Variants in RALGAPB observed in about 807,000 individuals in gnomAD.
RALGAPB encodes the protein Ral GTPase activating protein non-catalytic subunit beta.
A neutral mutation model predicts 161.1 loss-of-function variants in RALGAPB; 25 were observed. The observed-to-expected ratio is 0.16, with a 90% CI of 0.11 to 0.22. RALGAPB has a LOEUF of 0.22. Among genes scored for constraint, RALGAPB ranks in the 10% least tolerant of loss-of-function variants. The pLI, the probability that RALGAPB is intolerant of heterozygous loss-of-function variation, is 1.00. For missense variants in RALGAPB, 1,391 were observed against 1,815.2 expected (o/e 0.77, Z 4.25); for synonymous variants, 629 against 626.1 (o/e 1.00, Z -0.07).
intron 16 of RALGAPB, among the ~76,000 whole-genome samples, chr20:38,536,885 G>A (rs2086822881): frequency 6.6e-6 from 1 of 152,172 alleles, no homozygotes; most frequent in Non-Finnish European, 1.5e-5. Flanking sequence ...AGATCCTCCA[G>A]GATGGACATC....
rs147158830 is a variant in RALGAPB at position 38,576,810 on chromosome 20, G to T, written c.*1843G>T. The T allele has an allele frequency of 6.5e-6, 1 of 152,734 alleles. No homozygotes were observed. The highest frequency in any genetic ancestry group is 1.5e-5 in the Non-Finnish European group (1 of 68,020). The allele number at this position is 152,734 out of a possible 1,614,324, so 9.5% of individuals were successfully genotyped here. A position where few individuals can be genotyped will look rare whatever the true frequency, so the allele number is the denominator to read the frequency against. ...TGTTCTAGTTGAAGTGAGCAGAGAAGGCTATAAATTAATATGTAACTTACA... is the reference window on the plus strand; with the variant it reads ...TGTTCTAGTTGAAGTGAGCAGAGAATGCTATAAATTAATATGTAACTTACA... On this transcript the variant is annotated 3_prime_UTR_variant, in exon 30 of 30. Transcript: ENST00000262879.
intron 28 of RALGAPB, 144 bp from the exon 29 acceptor site, chr20:38,574,006 A>G: frequency 1.4e-6 from 1 of 700,994 alleles, no homozygotes; most frequent in Non-Finnish European, 2.2e-6. Flanking sequence ...TTCTGAGCAC[A>G]CTGACCCCTT....
In RALGAPB at chr20:38,539,974, T is replaced by G. The variant is rs2086918631; in HGVS notation, c.2562+16T>G. 3.1e-6 allele frequency: 5 copies of G among 1,592,858 alleles called. No homozygotes were observed. The highest frequency in any genetic ancestry group is 4.3e-6 in the Non-Finnish European group (5 of 1,170,014). Reference sequence around the variant, plus strand: ...TGATGAAAAGGTGAGTTTATTTTATTTTAAACCATTAAGTAAAAACAAAAA... The same window carrying G: ...TGATGAAAAGGTGAGTTTATTTTATGTTAAACCATTAAGTAAAAACAAAAA... On this transcript the variant is annotated intron_variant, in intron 17 of 29. Transcript: ENST00000262879.
At chr20:38,566,033 A>T (rs1383100487) in intron 25 of RALGAPB, among the ~76,000 whole-genome samples, 3 of 152,208 alleles carry the variant, frequency 2.0e-5, no homozygotes, top group African/African-American at 7.2e-5. Context: ...TTTGCAAATT[A>T]AGCCTGTTTG....
chr20:38,552,110 A>C (rs551215826), intron 21 of RALGAPB, among the ~76,000 whole-genome samples: 131 of 151,420 alleles, frequency 8.7e-4, no homozygotes, highest in African/African-American at 2.9e-3. Flanking sequence ...TAGCTTAAGG[A>C]AATGGCCTCG....
chr20:38,577,735 G>A lies in RALGAPB; in HGVS notation c.*2768G>A, dbSNP rs1043245341. ...CACACACACACACACACACACACTC[G>A]CATACTCATGCACATTTTCCTTCAT... On this transcript the variant is annotated 3_prime_UTR_variant, in exon 30 of 30. Coordinates refer to ENST00000262879, the MANE Select transcript of RALGAPB (RefSeq NM_020336.4). 5.6e-5 allele frequency: 6 copies of A among 108,046 alleles called. No homozygotes were observed. The highest frequency in any genetic ancestry group is 9.9e-5 in the Non-Finnish European group (5 of 50,630). The allele number at this position is 108,046 out of a possible 1,614,324, so 6.7% of individuals were successfully genotyped here. A position where few individuals can be genotyped will look rare whatever the true frequency, so the allele number is the denominator to read the frequency against.
intron 1 of RALGAPB, among the ~76,000 whole-genome samples, chr20:38,485,741 T>C (rs2085093928): frequency 6.6e-6 from 1 of 152,138 alleles, no homozygotes; most frequent in South Asian, 2.1e-4. Flanking sequence ...CTTGTTTTGT[T>C]AGTTTAATAG....
chr20:38,570,671 C>G (rs1439972805), intron 27 of RALGAPB, 98 bp from the exon 28 acceptor site: 1 of 705,132 alleles, frequency 1.4e-6, no homozygotes, highest in East Asian at 2.7e-5. Context: ...CATATATTTG[C>G]CACTCACTTA....
At chr20:38,560,350 G>T (rs2087743737) in intron 23 of RALGAPB, among the ~76,000 whole-genome samples, 1 of 152,194 alleles carries the variant, frequency 6.6e-6, no homozygotes, top group Admixed American at 6.5e-5. Context: ...TGGAGGAAAA[G>T]ATATTCTAGC....
At chr20:38,525,766 C>A in intron 12 of RALGAPB, 129 bp from the exon 13 acceptor site, 1 of 977,268 alleles carries the variant, frequency 1.0e-6, no homozygotes. Flanking sequence ...GTGACAGATT[C>A]AGCACAGTGG....
intron 11 of RALGAPB, among the ~76,000 whole-genome samples, chr20:38,525,188 C>A (rs966598662): frequency 6.6e-6 from 1 of 152,198 alleles, no homozygotes; most frequent in African/African-American, 2.4e-5. Context: ...ACAACTCCAA[C>A]ACAGAGGTCT....
In RALGAPB at chr20:38,525,997, G is replaced by A. The variant is rs772576327; in HGVS notation, c.2005G>A (p.Ala669Thr). The change falls in exon 13 of 30, where the codon GCC (alanine) becomes ACC (threonine). Residue 669 changes from alanine to threonine, a missense_variant. Physicochemically the swap from Ala to Thr is moderately conservative, Grantham distance 58 (BLOSUM62 0). Around this residue, in one of 3 missense-constraint regions of RALGAPB, gnomAD observed 946 missense variants for 1,257.2 expected, o/e 0.75. Coordinates refer to ENST00000262879, the MANE Select transcript of RALGAPB (RefSeq NM_020336.4). Reference protein sequence around the residue: ...KLRLVNILIGALQTETDPNNT... With the variant: ...KLRLVNILIGTLQTETDPNNT... ...GAGACTTGTGAATATATTAATAGGT[G>A]CCTTGCAAACTGAAACGGACCCCAA... The A allele has an allele frequency of 1.1e-5, 18 of 1,613,904 alleles. No individual in the cohort carries two copies. Among genetic ancestry groups the A allele is most frequent in the Non-Finnish European group, 7.6e-6 (9 of 1,179,894 alleles).
In RALGAPB at chr20:38,528,155, AACAG is replaced by A. The variant is rs532754122; in HGVS notation, c.2050+2118_2050+2121del. Reference sequence around the variant, plus strand: ...TTTGTTTCTTTTTCCCTGTAGAAAAAACAGACAGTAATGTTTGTTTTATTTTTAA... The same window carrying A: ...TTTGTTTCTTTTTCCCTGTAGAAAAAACAGTAATGTTTGTTTTATTTTTAA... On this transcript the variant is annotated intron_variant, in intron 13 of 29. Transcript: ENST00000262879. 1.0e-3 allele frequency among the ~76,000 whole-genome samples: 157 copies of A among 152,288 alleles called. 1 individual carries two copies. Among genetic ancestry groups the A allele is most frequent in the Non-Finnish European group, 1.6e-3 (106 of 68,010 alleles).
At chr20:38,511,467 GAGGGCCCTGCCGCCTTCCGC>G (rs2085950323) in intron 6 of RALGAPB, among the ~76,000 whole-genome samples, 1 of 152,060 alleles carries the variant, frequency 6.6e-6, no homozygotes, top group Non-Finnish European at 1.5e-5. Flanking sequence ...TTCCTAGGCA[GAGGGCCCTGCCGCCTTCCGC>G]AGTGTTTGTG....
intron 13 of RALGAPB, among the ~76,000 whole-genome samples, chr20:38,529,846 AAAG>A (rs1238457794): frequency 6.6e-6 from 1 of 152,226 alleles, no homozygotes; most frequent in Non-Finnish European, 1.5e-5. Context: ...ATCTCAAAAA[AAAG>A]AAAATCATAA....
intron 6 of RALGAPB, among the ~76,000 whole-genome samples, chr20:38,512,968 G>A (rs374395714): frequency 2.8e-4 from 42 of 151,918 alleles, no homozygotes; most frequent in African/African-American, 8.7e-4. Flanking sequence ...CACCATGTTA[G>A]CCAGGATGGT....
At chr20:38,509,011 T>C in intron 5 of RALGAPB, 66 bp from the exon 6 acceptor site, 2 of 1,534,994 alleles carry the variant, frequency 1.3e-6, no homozygotes, top group Non-Finnish European at 1.8e-6. Context: ...CTGTCTTCTT[T>C]CTATGCTTGA....
At position 38,532,764 on chromosome 20, in the gene RALGAPB, G is replaced by A. The variant is rs755240443; in HGVS notation, c.2150G>A (p.Arg717His). The A allele has an allele frequency of 3.2e-5, 51 of 1,613,524 alleles. No homozygotes were observed. The highest frequency in any genetic ancestry group is 3.7e-5 in the Non-Finnish European group (44 of 1,179,624). Residue 717 changes from arginine (R) to histidine (H), a missense_variant, in exon 15 of 30, where the codon CGC (arginine) becomes CAC (histidine). Around this residue, in one of 3 missense-constraint regions of RALGAPB, gnomAD observed 946 missense variants for 1,257.2 expected, o/e 0.75. Coordinates refer to ENST00000262879, the MANE Select transcript of RALGAPB (RefSeq NM_020336.4). ...GGENNLKSHSRTNSGISSASG... is the reference protein window; with the variant it reads ...GGENNLKSHSHTNSGISSASG... ...GAAAATAACCTGAAGAGTCATAGTC[G>A]CACCAATAGTGGTATTAGTTCAGCA...
chr20:38,550,896 A>G (rs963923914), intron 20 of RALGAPB, among the ~76,000 whole-genome samples, 175 bp from the exon 21 acceptor site: 7 of 152,210 alleles, frequency 4.6e-5, no homozygotes, highest in African/African-American at 1.7e-4. Context: ...TAGAGTACAC[A>G]GGGGCACAGG....
Sources: gnomAD v4.1 joint callset for allele counts (sites outside exome capture counted in the v4.1 genomes callset) on GRCh38, gnomAD v4.1.1 for gene constraint, gnomAD v4.1.1 regional missense constraint, MANE v1.5 for transcripts, NCBI Gene and HGNC (gene_info 2026-07-23, HGNC 2026-07-21) for gene names.